ZIC2: variants seen among roughly 807,000 people sequenced by gnomAD.
ZIC2 encodes Zic family zinc finger 2, also known as zinc finger protein ZIC 2.
ZIC2 carries 7 observed loss-of-function variants against 29.5 expected under a neutral mutation model. That is an observed-to-expected ratio of 0.24 (90% CI 0.14 to 0.45). The LOEUF is 0.45. Among genes scored for constraint, ZIC2 ranks in the 20% least tolerant of loss-of-function variants. The pLI, the probability that ZIC2 is intolerant of heterozygous loss-of-function variation, is 1.00. For missense variants in ZIC2, 589 were observed against 781.2 expected (o/e 0.75, Z 2.93); for synonymous variants, 408 against 354.2 (o/e 1.15, Z -1.70).
At position 99,982,277 on chromosome 13, in the gene ZIC2, G is replaced by A. The variant is rs189469383; in HGVS notation, c.213G>A (p.Pro71=). ...ACCCGGGCGCGCACGAGCTGTCCCC[G>A]GGCCAGAGCTCGGCGTTCACGTCGC... The part of the protein sequence containing the change: ...KLNPGAHELS[P]GQSSAFTSQG... The change falls in exon 1 of 3, where the codon CCG becomes CCA. Residue 71 remains proline (P), a synonymous_variant. Coordinates refer to ENST00000376335, the MANE Select transcript of ZIC2 (RefSeq NM_007129.5). 6.0e-4 allele frequency: 894 copies of A among 1,495,512 alleles called. 9 individuals are homozygous for A. In the African/African-American group the frequency reaches 0.011, roughly 18 times the overall value. The allele number at this position is 1,495,512 out of a possible 1,614,324, so 92.6% of individuals were successfully genotyped here. A position where few individuals can be genotyped will look rare whatever the true frequency, so the allele number is the denominator to read the frequency against.
In ZIC2 at chr13:99,985,730, G is replaced by C; in HGVS notation, c.*48G>C. On this transcript the variant is annotated 3_prime_UTR_variant, in exon 3 of 3. Transcript: ENST00000376335. The surrounding 1 kb of genome is among the most constrained non-coding windows in gnomAD (Gnocchi z 6.3). ...TCCCTGTCCCCACCCCAGCGCAGCAGCCCTCCCCGCAGCTAGCAGCGAGGG... is the reference window on the plus strand; with the variant it reads ...TCCCTGTCCCCACCCCAGCGCAGCACCCCTCCCCGCAGCTAGCAGCGAGGG... The C allele has an allele frequency of 8.6e-7, 1 of 1,169,174 alleles. No homozygotes were observed. The highest frequency in any genetic ancestry group is 1.1e-6 in the Non-Finnish European group (1 of 896,220). 72.4% of individuals were successfully genotyped at this position (1,169,174 alleles called of 1,614,324 possible).
rs370011753 is a variant in ZIC2, at chr13:99,982,771, A to G, written c.707A>G (p.His236Arg). The part of the protein sequence containing the change: ...AAAAAHHHHH[H>R]HHHPGAFFRY... ...GCCGCGGCCCACCACCACCACCACCACCACCACCACCCCGGTGCCTTTTTC... is the reference window on the plus strand; with the variant it reads ...GCCGCGGCCCACCACCACCACCACCGCCACCACCACCCCGGTGCCTTTTTC... The change falls in exon 1 of 3, where the codon CAC becomes CGC. Residue 236 changes from histidine to arginine, a missense_variant. Physicochemically the swap from His to Arg is conservative, Grantham distance 29. This residue lies in a region of ZIC2 where 358 missense variants were observed against 382.0 expected (regional missense o/e 0.94). Coordinates refer to ENST00000376335, the MANE Select transcript of ZIC2 (RefSeq NM_007129.5). 2 of 1,576,328 alleles carry G rather than the reference A, an allele frequency of 1.3e-6. No individual in the cohort carries two copies. The highest frequency in any genetic ancestry group is 1.7e-6 in the Non-Finnish European group (2 of 1,163,354).
At position 99,982,315 on chromosome 13, in the gene ZIC2, C is replaced by T. The variant is rs1326151319; in HGVS notation, c.251C>T (p.Ala84Val). Reference sequence around the variant, plus strand: ...GCGTTCACGTCGCAGGGCCCCGGCGCCTACCCCGGCTCCGCTGCGGCTGCC... The same window carrying T: ...GCGTTCACGTCGCAGGGCCCCGGCGTCTACCCCGGCTCCGCTGCGGCTGCC... ...SSAFTSQGPGAYPGSAAAAAA... is the reference protein window; with the variant it reads ...SSAFTSQGPGVYPGSAAAAAA... The change falls in exon 1 of 3, where the codon GCC becomes GTC. Residue 84 changes from alanine to valine, a missense_variant. Physicochemically the swap from Ala to Val is moderately conservative, Grantham distance 64. This residue lies in a region of ZIC2 where 358 missense variants were observed against 382.0 expected (regional missense o/e 0.94). Coordinates refer to ENST00000376335, the MANE Select transcript of ZIC2 (RefSeq NM_007129.5). 1 of 1,471,832 alleles carries T rather than the reference C, an allele frequency of 6.8e-7. No homozygotes were observed. Among genetic ancestry groups the T allele is most frequent in the Non-Finnish European group, 9.0e-7 (1 of 1,114,116 alleles). The allele number at this position is 1,471,832 out of a possible 1,614,324, so 91.2% of individuals were successfully genotyped here.
chr13:99,982,239 G>A lies in ZIC2; in HGVS notation c.175G>A (p.Ala59Thr). 4 of 1,514,622 alleles carry A rather than the reference G, an allele frequency of 2.6e-6. No individual in the cohort carries two copies. The highest frequency in any genetic ancestry group is 1.4e-5 in the African/African-American group (1 of 69,596). 93.8% of individuals were successfully genotyped at this position (1,514,622 alleles called of 1,614,324 possible). Reference protein sequence around the residue: ...FVDSAAAHMGAFKLNPGAHEL... With the variant: ...FVDSAAAHMGTFKLNPGAHEL... ...TGACTCCGCCGCCGCGCACATGGGA[G>A]CCTTCAAGCTCAACCCGGGCGCGCA... The change falls in exon 1 of 3, where the codon GCC (alanine) becomes ACC (threonine). Residue 59 changes from alanine (A) to threonine (T), a missense_variant. Physicochemically the swap from Ala to Thr is moderately conservative, Grantham distance 58 (BLOSUM62 0). Coordinates refer to ENST00000376335, the MANE Select transcript of ZIC2 (RefSeq NM_007129.5).
Position 99,986,139 on chromosome 13 carries a change from C to T in ZIC2, c.*457C>T. 1 of 441,738 alleles carries T rather than the reference C, an allele frequency of 2.3e-6. No homozygotes were observed. Among genetic ancestry groups the T allele is most frequent in the South Asian group, 1.6e-5 (1 of 60,622 alleles). The allele number at this position is 441,738 out of a possible 1,614,324, so 27.4% of individuals were successfully genotyped here. On this transcript the variant is annotated 3_prime_UTR_variant, in exon 3 of 3. Transcript: ENST00000376335. ...GGATTGCGTTCCTCCCCGCCTTCCGCCCCTTCCCTTCCCTAAAGTGATGGG... is the reference window on the plus strand; with the variant it reads ...GGATTGCGTTCCTCCCCGCCTTCCGTCCCTTCCCTTCCCTAAAGTGATGGG...
At position 99,982,631 on chromosome 13, in the gene ZIC2, G is replaced by A; in HGVS notation, c.567G>A (p.Gly189=). 2 of 1,595,524 alleles carry A rather than the reference G, an allele frequency of 1.3e-6. No individual in the cohort carries two copies. Among genetic ancestry groups the A allele is most frequent in the South Asian group, 1.1e-5 (1 of 90,468 alleles). ...TCGGGCTGCCCGGCGAGGTGTTCGGGCGCTCGGAGCAATACCGCCAGGTGG... is the reference window on the plus strand; with the variant it reads ...TCGGGCTGCCCGGCGAGGTGTTCGGACGCTCGGAGCAATACCGCCAGGTGG... The part of the protein sequence containing the change: ...MRLGLPGEVF[G]RSEQYRQVAS... The change falls in exon 1 of 3, where the codon GGG becomes GGA. Residue 189 remains glycine (G), a synonymous_variant. Coordinates refer to ENST00000376335, the MANE Select transcript of ZIC2 (RefSeq NM_007129.5).
rs750372515 is a variant in ZIC2, at chr13:99,986,002, C to A, written c.*320C>A. On this transcript the variant is annotated 3_prime_UTR_variant, in exon 3 of 3. Transcript: ENST00000376335. ...ATCTCCATGCCCACGTTCTTTCCCACCCTGTTCCCAGTCTTCTGACAAACT... is the reference window on the plus strand; with the variant it reads ...ATCTCCATGCCCACGTTCTTTCCCAACCTGTTCCCAGTCTTCTGACAAACT... 2.0e-5 allele frequency: 9 copies of A among 454,694 alleles called. No individual in the cohort carries two copies. The highest frequency in any genetic ancestry group is 1.4e-4 in the South Asian group (9 of 63,838). The allele number at this position is 454,694 out of a possible 1,614,324, so 28.2% of individuals were successfully genotyped here.
chr13:99,983,334 G>A lies in ZIC2; in HGVS notation c.1075+195G>A, dbSNP rs1455059377. On this transcript the variant is annotated intron_variant, in intron 1 of 2. Coordinates refer to ENST00000376335, the MANE Select transcript of ZIC2 (RefSeq NM_007129.5). This position sits in a 1 kb window ranked among gnomAD's most constrained non-coding sequence, Gnocchi z 4.7. ...ATATTATTGGGCTAGGTTTTTCCAT[G>A]TGCGGAAATCGAGTTTTGAATGATT... Among the ~76,000 whole-genome samples the A allele has an allele frequency of 1.3e-5, 2 of 152,246 alleles. No individual in the cohort carries two copies. The highest frequency in any genetic ancestry group is 3.2e-3 in the Middle Eastern group (1 of 316).
chr13:99,981,799 T>TCCA lies in ZIC2; in HGVS notation c.-263_-261dup. 1 of 570,656 alleles carries TCCA rather than the reference T, an allele frequency of 1.8e-6. No homozygotes were observed. The allele number at this position is 570,656 out of a possible 1,614,324, so 35.3% of individuals were successfully genotyped here. ...GCCTGGCTTTGGACTCTTCTCCTCC[T>TCCA]CCACCTCCTCCTCCTCCTCCCGCGC... is the stretch of plus-strand genomic sequence containing the variant. On this transcript the variant is annotated 5_prime_UTR_variant, in exon 1 of 3. Transcript: ENST00000376335.
Position 99,982,849 on chromosome 13 carries a change from A to C in ZIC2, c.785A>C (p.Asp262Ala). The change falls in exon 1 of 3, where the codon GAC (aspartate) becomes GCC (alanine). Residue 262 changes from aspartate (D) to alanine (A), a missense_variant. Physicochemically the swap from Asp to Ala is moderately radical, Grantham distance 126 (BLOSUM62 -2). This residue lies in a region of ZIC2 where 27 missense variants were observed against 47.5 expected (regional missense o/e 0.57). Coordinates refer to ENST00000376335, the MANE Select transcript of ZIC2 (RefSeq NM_007129.5). The stretch of plus-strand genomic sequence containing the variant: ...CAGGAGCTAATCTGCAAGTGGATCG[A>C]CCCCGAGCAACTGAGCAATCCCAAG... Reference protein sequence around the residue: ...IKQELICKWIDPEQLSNPKKS... With the variant: ...IKQELICKWIAPEQLSNPKKS... The C allele has an allele frequency of 6.2e-7, 1 of 1,612,930 alleles. No homozygotes were observed.
rs2053262850 is a variant in ZIC2, at chr13:99,985,563, G to C, written c.1480G>C (p.Gly494Arg). Residue 494 changes from glycine to arginine, a missense_variant, in exon 3 of 3, where the codon GGC (glycine) becomes CGC (arginine). Physicochemically the swap from Gly to Arg is moderately radical, Grantham distance 125 (BLOSUM62 -2). This residue lies in a region of ZIC2 where 135 missense variants were observed against 136.7 expected (regional missense o/e 0.99). Coordinates refer to ENST00000376335, the MANE Select transcript of ZIC2 (RefSeq NM_007129.5). The surrounding 1 kb of genome is among the most constrained non-coding windows in gnomAD (Gnocchi z 6.3). Reference sequence around the variant, plus strand: ...GGGAGGCGGCTCAGGCGGCGGCAGCGGCAGTGGCGGGGGCGGCGGCGGGGC... The same window carrying C: ...GGGAGGCGGCTCAGGCGGCGGCAGCCGCAGTGGCGGGGGCGGCGGCGGGGC... Reference protein sequence around the residue: ...GAGGGSGGGSGSGGGGGGAGG... With the variant: ...GAGGGSGGGSRSGGGGGGAGG... 3 of 995,032 alleles carry C rather than the reference G, an allele frequency of 3.0e-6. No homozygotes were observed. Among genetic ancestry groups the C allele is most frequent in the Non-Finnish European group, 3.6e-6 (3 of 838,228 alleles). The allele number at this position is 995,032 out of a possible 1,614,324, so 61.6% of individuals were successfully genotyped here. A position where few individuals can be genotyped will look rare whatever the true frequency, so the allele number is the denominator to read the frequency against.
At position 99,985,091 on chromosome 13, in the gene ZIC2, G is replaced by A. The variant is rs369127058; in HGVS notation, c.1221G>A (p.Ser407=). 2.5e-5 allele frequency: 41 copies of A among 1,614,094 alleles called. No individual in the cohort carries two copies. In the African/African-American group the frequency reaches 5.2e-4, roughly 20 times the overall value. ...MCDKSYTHPS[S]LRKHMKVHES... Reference sequence around the variant, plus strand: ...ACAAGTCCTACACGCACCCCAGCTCGCTGCGGAAGCACATGAAGGTACCAC... The same window carrying A: ...ACAAGTCCTACACGCACCCCAGCTCACTGCGGAAGCACATGAAGGTACCAC... The change falls in exon 2 of 3, where the codon TCG becomes TCA. Residue 407 remains serine (S), a synonymous_variant. Transcript: ENST00000376335. This position sits in a 1 kb window ranked among gnomAD's most constrained non-coding sequence, Gnocchi z 6.3.
intron 1 of ZIC2, chr13:99,984,659 C>T: frequency 2.2e-6 from 1 of 449,022 alleles, no homozygotes; most frequent in Non-Finnish European, 4.2e-6. Flanking sequence ...CCAAGAAGCC[C>T]TCTAGAAAGG....
Position 99,986,208 on chromosome 13 carries a change from A to G in ZIC2, c.*526A>G, listed in dbSNP as rs2053269045. ...TAGTTTACCCGGTTTCTTTTTAAGT[A>G]ATGTGGAAGAAAATGGTTTATTTTG... On this transcript the variant is annotated 3_prime_UTR_variant, in exon 3 of 3. Coordinates refer to ENST00000376335, the MANE Select transcript of ZIC2 (RefSeq NM_007129.5). 3.2e-6 allele frequency: 1 copy of G among 315,462 alleles called. No homozygotes were observed. The highest frequency in any genetic ancestry group is 6.2e-6 in the Non-Finnish European group (1 of 162,026). The allele number at this position is 315,462 out of a possible 1,614,324, so 19.5% of individuals were successfully genotyped here. A position where few individuals can be genotyped will look rare whatever the true frequency, so the allele number is the denominator to read the frequency against.
rs992779557 is a variant in ZIC2 at position 99,982,019 on chromosome 13, C to G, written c.-46C>G. Reference sequence around the variant, plus strand: ...CGCGGATCGGGAGCGGGAGTCGAGGCGGCGCGGAGGCGCAGGGCTCGCAGG... The same window carrying G: ...CGCGGATCGGGAGCGGGAGTCGAGGGGGCGCGGAGGCGCAGGGCTCGCAGG... On this transcript the variant is annotated 5_prime_UTR_variant, in exon 1 of 3. Coordinates refer to ENST00000376335, the MANE Select transcript of ZIC2 (RefSeq NM_007129.5). 9.1e-6 allele frequency: 11 copies of G among 1,214,716 alleles called. No homozygotes were observed. Among genetic ancestry groups the G allele is most frequent in the Admixed American group, 4.4e-5 (1 of 22,744 alleles). The allele number at this position is 1,214,716 out of a possible 1,614,324, so 75.2% of individuals were successfully genotyped here.
Position 99,985,586 on chromosome 13 carries a change from G to A in ZIC2, c.1503G>A (p.Gly501=), listed in dbSNP as rs2152163951. The change falls in exon 3 of 3, where the codon GGG becomes GGA. Residue 501 remains glycine (G), a synonymous_variant. Coordinates refer to ENST00000376335, the MANE Select transcript of ZIC2 (RefSeq NM_007129.5). The surrounding 1 kb of genome is among the most constrained non-coding windows in gnomAD (Gnocchi z 6.3). The part of the protein sequence containing the change: ...GGSGSGGGGG[G]AGGGGGGSSG... ...GCGGCAGTGGCGGGGGCGGCGGCGG[G>A]GCGGGCGGCGGGGGCGGCGGCAGCT... 9.9e-7 allele frequency: 1 copy of A among 1,012,390 alleles called. No individual in the cohort carries two copies. Among genetic ancestry groups the A allele is most frequent in the Non-Finnish European group, 1.2e-6 (1 of 849,620 alleles). 62.7% of individuals were successfully genotyped at this position (1,012,390 alleles called of 1,614,324 possible). A position where few individuals can be genotyped will look rare whatever the true frequency, so the allele number is the denominator to read the frequency against.
intron 1 of ZIC2, chr13:99,984,252 G>T (rs529353193): frequency 3.2e-5 from 5 of 155,012 alleles, no homozygotes; most frequent in African/African-American, 1.2e-4. Flanking sequence ...CTGGCAACAG[G>T]ATGCAGAGAC....
chr13:99,982,200 C>G lies in ZIC2; in HGVS notation c.136C>G (p.Gln46Glu). 6.7e-7 allele frequency: 1 copy of G among 1,500,016 alleles called. No individual in the cohort carries two copies. Among genetic ancestry groups the G allele is most frequent in the Non-Finnish European group, 8.8e-7 (1 of 1,131,298 alleles). The allele number at this position is 1,500,016 out of a possible 1,614,324, so 92.9% of individuals were successfully genotyped here. A position where few individuals can be genotyped will look rare whatever the true frequency, so the allele number is the denominator to read the frequency against. Residue 46 changes from glutamine (Q) to glutamate (E), a missense_variant, in exon 1 of 3, where the codon CAG becomes GAG. Physicochemically the swap from Gln to Glu is conservative, Grantham distance 29 (BLOSUM62 2). This residue lies in a region of ZIC2 where 358 missense variants were observed against 382.0 expected (regional missense o/e 0.94). Coordinates refer to ENST00000376335, the MANE Select transcript of ZIC2 (RefSeq NM_007129.5). ...QDRELSLAAA[Q>E]NGFVDSAAAH... ...CCGTGAACTGAGCCTGGCGGCGGCG[C>G]AGAACGGCTTCGTTGACTCCGCCGC...
chr13:99,985,264 C>T lies in ZIC2; in HGVS notation c.1240-59C>T, dbSNP rs2053258490. 6.2e-7 allele frequency: 1 copy of T among 1,601,848 alleles called. No homozygotes were observed. The highest frequency in any genetic ancestry group is 1.7e-4 in the Middle Eastern group (1 of 5,916). The stretch of plus-strand genomic sequence containing the variant: ...GCTCTCCCCCAGGGGCCCGGCCCCA[C>T]AGCAGCTGCACTCACACCCAGTCCC... On this transcript the variant is annotated intron_variant, in intron 2 of 2. Transcript: ENST00000376335. The surrounding 1 kb of genome is among the most constrained non-coding windows in gnomAD (Gnocchi z 6.3).
Sources: allele counts gnomAD v4.1 joint callset (sites outside exome capture counted in the v4.1 genomes callset), GRCh38; gene constraint gnomAD v4.1.1; regional missense constraint gnomAD v4.1.1; non-coding constraint Gnocchi (gnomAD v3.1); transcripts MANE v1.5; gene names NCBI Gene and HGNC (gene_info 2026-07-23, HGNC 2026-07-21).